PHF11: variants seen among roughly 807,000 people sequenced by gnomAD.
The protein encoded by PHF11 is PHD finger protein 11.
Under a neutral mutation model 40.5 loss-of-function variants are expected in PHF11, and 38 were observed. The ratio of observed to expected loss-of-function variants is 0.94; its 90% CI spans 0.72 to 1.23. The LOEUF (loss-of-function observed/expected upper bound fraction) is 1.23. PHF11 is among the 50% of genes most tolerant of loss of function. The pLI, the probability that PHF11 is intolerant of heterozygous loss-of-function variation, is 0.00. For synonymous variants in PHF11, 127 were observed against 138.2 expected (o/e 0.92, Z 0.57); for missense variants, 369 against 392.4 (o/e 0.94, Z 0.50).
At chr13:49,520,230 G>A (rs1959181188) in intron 4 of PHF11, among the ~76,000 whole-genome samples, 1 of 152,040 alleles carries the variant, frequency 6.6e-6, no homozygotes, top group Non-Finnish European at 1.5e-5. Flanking sequence ...TGTATTTTTA[G>A]TAGAGGCGGG....
chr13:49,508,513 G>T (rs1231115532), intron 2 of PHF11, among the ~76,000 whole-genome samples: 7 of 150,764 alleles, frequency 4.6e-5, no homozygotes, highest in Non-Finnish European at 1.0e-4. Context: ...AGAACTTGGG[G>T]TTGGGCATAT....
rs200367733 is a variant in PHF11, at chr13:49,523,626, CTGT to C, written c.637+387_637+389del. The C allele has an allele frequency of 1.1e-3, 264 of 249,260 alleles. 5 individuals carry two copies. In the East Asian group the frequency reaches 0.021, roughly 20 times the overall value. 15.4% of individuals were successfully genotyped at this position (249,260 alleles called of 1,614,324 possible). Reference sequence around the variant, plus strand: ...AAACTGTGACAAGAAGTGACAGGGGCTGTTATGTCAAAGACTTAAGGGTAATTT... The same window carrying C: ...AAACTGTGACAAGAAGTGACAGGGGCTATGTCAAAGACTTAAGGGTAATTT... On this transcript the variant is annotated intron_variant, in intron 7 of 9. Transcript: ENST00000378319.
chr13:49,526,284 T>C (rs992699621), intron 8 of PHF11, 103 bp from the exon 9 acceptor site: 4 of 732,332 alleles, frequency 5.5e-6, no homozygotes, highest in East Asian at 5.4e-5. Flanking sequence ...CCATGGCACA[T>C]GACTGCTCTC....
chr13:49,522,819 C>T (rs1393557624), intron 6 of PHF11, among the ~76,000 whole-genome samples: 2 of 134,362 alleles, frequency 1.5e-5, no homozygotes, highest in African/African-American at 5.8e-5. Context: ...GGATGGAGTG[C>T]AATGGTGTGA....
At chr13:49,505,852 G>A (rs912953031) in intron 1 of PHF11, among the ~76,000 whole-genome samples, 6 of 151,746 alleles carry the variant, frequency 4.0e-5, no homozygotes, top group African/African-American at 1.5e-4. Flanking sequence ...TTGAATTAAA[G>A]CACACTTAAA....
rs1480233536 is a variant in PHF11 at position 49,524,210 on chromosome 13, G to T, written c.763G>T (p.Glu255Ter). ...PEKLMDETTS[E>*]SDYEEIGSAL... The stretch of plus-strand genomic sequence containing the variant: ...AAAACTCATGGATGAGACTACTTCA[G>T]AATCAGGTACTGATGAAGAGCAATA... Residue 255 changes from glutamate (E) to a stop codon, truncating the protein, a stop_gained, in exon 8 of 10, where the codon GAA becomes TAA. Transcript: ENST00000378319. LOFTEE classifies it high-confidence loss of function. The T allele has an allele frequency of 6.2e-7, 1 of 1,605,332 alleles. No homozygotes were observed. The highest frequency in any genetic ancestry group is 8.5e-7 in the Non-Finnish European group (1 of 1,174,902).
chr13:49,525,502 C>T (rs964459171), intron 8 of PHF11, among the ~76,000 whole-genome samples: 1 of 152,194 alleles, frequency 6.6e-6, no homozygotes, highest in East Asian at 1.9e-4. Flanking sequence ...CCCGCCTTGG[C>T]CTCCCAAAGT....
chr13:49,496,814 G>A (rs1416243176), intron 1 of PHF11, among the ~76,000 whole-genome samples: 2 of 148,762 alleles, frequency 1.3e-5, no homozygotes, highest in Middle Eastern at 3.5e-3. Flanking sequence ...TTGAGGAGAG[G>A]ATGGCTGGGC....
At chr13:49,520,046 C>CT (rs113131451) in intron 4 of PHF11, among the ~76,000 whole-genome samples, 2,955 of 151,914 alleles carry the variant, frequency 0.019, 46 homozygotes, top group South Asian at 0.058. Flanking sequence ...CACTTCATTT[C>CT]TTTTGTTTTG....
rs930144261 is a variant in PHF11, at chr13:49,520,935, A to C, written c.500A>C (p.Gln167Pro). The change falls in exon 5 of 10, where the codon CAA (glutamine) becomes CCA (proline). Residue 167 changes from glutamine to proline, a missense_variant. Transcript: ENST00000378319. ...QQHAQFPIIA[Q>P]SAKFSGVKRK... The stretch of plus-strand genomic sequence containing the variant: ...CATGCTCAATTCCCGATCATCGCTC[A>C]AAGTGGTAAGTTTCTAAAATTTAGC... The C allele has an allele frequency of 8.2e-6, 13 of 1,582,936 alleles. No homozygotes were observed. The African/African-American group carries it at 1.1e-4, about 13-fold the overall frequency.
At position 49,520,482 on chromosome 13, in the gene PHF11, A is replaced by C. The variant is rs562927688; in HGVS notation, c.459-412A>C. ...TTTCATCGAAAATGACTTTTTCCTT[A>C]AATTAATGCTTGCAATTTTGTGCTA... On this transcript the variant is annotated intron_variant, in intron 4 of 9. Coordinates refer to ENST00000378319, the MANE Select transcript of PHF11 (RefSeq NM_001040443.3). 7.9e-5 allele frequency among the ~76,000 whole-genome samples: 12 copies of C among 152,318 alleles called. No individual in the cohort carries two copies. The East Asian group carries it at 2.3e-3, about 29-fold the overall frequency.
At chr13:49,522,613 C>T (rs868226761) in intron 6 of PHF11, among the ~76,000 whole-genome samples, 2 of 152,160 alleles carry the variant, frequency 1.3e-5, no homozygotes, top group Non-Finnish European at 2.9e-5. Context: ...AGTTTTTACA[C>T]ATCAGCACAT....
chr13:49,517,258 C>G (rs1401770709), intron 3 of PHF11, among the ~76,000 whole-genome samples: 1 of 152,128 alleles, frequency 6.6e-6, no homozygotes, highest in Admixed American at 6.5e-5. Flanking sequence ...TGAGTGACCT[C>G]CTGTTCTGCA....
intron 4 of PHF11, chr13:49,518,895 G>C (rs1959173994): frequency 6.7e-6 from 1 of 149,966 alleles, no homozygotes; most frequent in Non-Finnish European, 1.5e-5. Flanking sequence ...GAGTGCAGTG[G>C]CGCGATCTCG....
At chr13:49,503,157 T>G (rs994880666) in intron 1 of PHF11, among the ~76,000 whole-genome samples, 1 of 152,190 alleles carries the variant, frequency 6.6e-6, no homozygotes, top group Non-Finnish European at 1.5e-5. Context: ...CCTGGCTGCC[T>G]TACTGTCTCA....
chr13:49,519,534 A>G (rs1959177756), intron 4 of PHF11, among the ~76,000 whole-genome samples: 1 of 152,122 alleles, frequency 6.6e-6, no homozygotes, highest in Admixed American at 6.5e-5. Flanking sequence ...CCTATCATAC[A>G]TGAGGCACCT....
intron 4 of PHF11, among the ~76,000 whole-genome samples, chr13:49,520,046 C>CTT (rs113131451): frequency 6.6e-6 from 1 of 151,934 alleles, no homozygotes; most frequent in African/African-American, 2.4e-5. Context: ...CACTTCATTT[C>CTT]TTTTGTTTTG....
intron 3 of PHF11, among the ~76,000 whole-genome samples, chr13:49,516,375 T>C (rs563458710): frequency 6.6e-6 from 1 of 151,916 alleles, no homozygotes; most frequent in South Asian, 2.1e-4. Flanking sequence ...AAATAAATAC[T>C]ATATACTCAT....
At position 49,513,131 on chromosome 13, in the gene PHF11, TC is replaced by T; in HGVS notation, c.290del (p.Ser97Ter). The T allele has an allele frequency of 6.3e-7, 1 of 1,590,638 alleles. No homozygotes were observed. The part of the protein sequence containing the change: ...LNPDRSFDVE[S>X]VKKEIQRGRK... ...TCCTGATAGAAGTTTTGATGTGGAA[TC>T]AGTAAAGAAAGAAATCCAGAGAGGA... On this transcript the variant is annotated frameshift_variant, in exon 3 of 10. Coordinates refer to ENST00000378319, the MANE Select transcript of PHF11 (RefSeq NM_001040443.3). LOFTEE classifies it high-confidence loss of function.
Sources: gnomAD v4.1 joint callset for allele counts (sites outside exome capture counted in the v4.1 genomes callset) on GRCh38, gnomAD v4.1.1 for gene constraint, MANE v1.5 for transcripts, NCBI Gene and HGNC (gene_info 2026-07-23, HGNC 2026-07-21) for gene names.